Variants in NFASC observed in about 807,000 individuals in gnomAD.
The protein encoded by NFASC is neurofascin.
In NFASC, 43 loss-of-function variants were observed where a neutral mutation model predicts 147.5. The ratio of observed to expected loss-of-function variants is 0.29; its 90% CI spans 0.23 to 0.38. The LOEUF is 0.38. Among genes scored for constraint, NFASC ranks in the 10% least tolerant of loss-of-function variants. NFASC has a pLI of 1.00. For synonymous variants in NFASC, 622 were observed against 665.5 expected (o/e 0.93, Z 1.01); for missense variants, 1,320 against 1,689.0 (o/e 0.78, Z 3.83).
In NFASC at chr1:205,021,118, G is replaced by T. The variant is rs2096397840; in HGVS notation, c.*4579G>T. 1.3e-5 allele frequency: 2 copies of T among 152,322 alleles called. No homozygotes were observed. Among genetic ancestry groups the T allele is most frequent in the South Asian group, 4.1e-4 (2 of 4,826 alleles). The allele number at this position is 152,322 out of a possible 1,614,324, so 9.4% of individuals were successfully genotyped here. On this transcript the variant is annotated 3_prime_UTR_variant, in exon 30 of 30. Coordinates refer to ENST00000339876, the MANE Select transcript of NFASC (RefSeq NM_001005388.3). ...GGGAGGCATAGGCAAGCCGGGCAGA[G>T]TCAGACCAGTGCCCTCCCTTGACCA...
At chr1:204,963,568 T>G (rs949333101) in intron 8 of NFASC, among the ~76,000 whole-genome samples, 1 of 152,184 alleles carries the variant, frequency 6.6e-6, no homozygotes, top group Admixed American at 6.5e-5. Context: ...TGACCATTGA[T>G]CAAACTATTA....
chr1:204,919,824 G>A (rs2149427786), intron 1 of NFASC, among the ~76,000 whole-genome samples: 1 of 152,166 alleles, frequency 6.6e-6, no homozygotes, highest in Non-Finnish European at 1.5e-5. Flanking sequence ...TCACCATGTT[G>A]GCCATGCTGA....
In NFASC at chr1:205,016,320, C is replaced by T; in HGVS notation, c.3504C>T (p.Asn1168=). The part of the protein sequence containing the change: ...DGSFDYSDED[N]KPLQGSQTSL... ...TCTCTTTGGCCAGTGATGAGGACAA[C>T]AAGCCCCTGCAGGGCAGTCAGACAT... Residue 1168 remains asparagine (N), a synonymous_variant, in exon 30 of 30, where the codon AAC becomes AAT. Transcript: ENST00000339876. The surrounding 1 kb of genome is among the most constrained non-coding windows in gnomAD (Gnocchi z 5.1). 2 of 1,612,890 alleles carry T rather than the reference C, an allele frequency of 1.2e-6. No homozygotes were observed. Among genetic ancestry groups the T allele is most frequent in the Non-Finnish European group, 8.5e-7 (1 of 1,178,900 alleles).
chr1:205,013,845 C>A (rs553121652), intron 29 of NFASC, among the ~76,000 whole-genome samples: 1 of 152,168 alleles, frequency 6.6e-6, no homozygotes, highest in Non-Finnish European at 1.5e-5. Context: ...CCACTCTGCC[C>A]ATCAGCCTGG....
intron 1 of NFASC, among the ~76,000 whole-genome samples, chr1:204,877,066 A>C (rs2079131298): frequency 9.1e-6 from 1 of 110,074 alleles, no homozygotes; most frequent in African/African-American, 4.6e-5. Flanking sequence ...TTATTTATAT[A>C]TTTATATATA....
rs147176764 is a variant in NFASC, at chr1:204,884,932, A to T, written c.-199-35700A>T. On this transcript the variant is annotated intron_variant, in intron 1 of 29. Coordinates refer to ENST00000339876, the MANE Select transcript of NFASC (RefSeq NM_001005388.3). Reference sequence around the variant, plus strand: ...GAAAGAGAGGATGTGCCAAACTAAGATTGAGAGATTTAGATTATGGGATAT... The same window carrying T: ...GAAAGAGAGGATGTGCCAAACTAAGTTTGAGAGATTTAGATTATGGGATAT... Among the ~76,000 whole-genome samples, 780 of 152,196 alleles carry T rather than the reference A, an allele frequency of 5.1e-3. 5 individuals are homozygous for T. The highest frequency in any genetic ancestry group is 0.018 in the African/African-American group (739 of 41,500).
intron 24 of NFASC, among the ~76,000 whole-genome samples, chr1:204,992,274 C>A (rs2095753248): frequency 6.6e-6 from 1 of 152,156 alleles, no homozygotes; most frequent in Non-Finnish European, 1.5e-5. Context: ...CCTTACATGC[C>A]AGGCAGTGGA....
intron 1 of NFASC, among the ~76,000 whole-genome samples, chr1:204,856,207 C>T (rs112575906): frequency 6.6e-6 from 1 of 152,148 alleles, no homozygotes; most frequent in East Asian, 1.9e-4. Context: ...GCCAAGAAGA[C>T]CCCTAAGAGT....
At chr1:204,841,943 C>G (rs1353546728) in intron 1 of NFASC, among the ~76,000 whole-genome samples, 3 of 152,192 alleles carry the variant, frequency 2.0e-5, no homozygotes, top group Non-Finnish European at 4.4e-5. Context: ...CCTAGCTAAG[C>G]TCTTCAGTAA....
rs1047444315 is a variant in NFASC at position 204,975,185 on chromosome 1, G to A, written c.1559-86G>A. 40 of 1,475,556 alleles carry A rather than the reference G, an allele frequency of 2.7e-5. No individual in the cohort carries two copies. The African/African-American group carries it at 4.2e-4, about 16-fold the overall frequency. 91.4% of individuals were successfully genotyped at this position (1,475,556 alleles called of 1,614,324 possible). A position where few individuals can be genotyped will look rare whatever the true frequency, so the allele number is the denominator to read the frequency against. On this transcript the variant is annotated intron_variant, in intron 14 of 29. Transcript: ENST00000339876. This position sits in a 1 kb window ranked among gnomAD's most constrained non-coding sequence, Gnocchi z 4.0. ...CACTCCATAGTTGGCCCAAGGCCTCGAGGGCAGACATATGCCACTTTGTGG... is the reference window on the plus strand; with the variant it reads ...CACTCCATAGTTGGCCCAAGGCCTCAAGGGCAGACATATGCCACTTTGTGG...
chr1:205,019,130 CAG>C lies in NFASC; in HGVS notation c.*2597_*2598del, dbSNP rs2096383105. The C allele has an allele frequency of 6.6e-6, 1 of 152,274 alleles. No individual in the cohort carries two copies. The highest frequency in any genetic ancestry group is 2.1e-4 in the South Asian group (1 of 4,826). The allele number at this position is 152,274 out of a possible 1,614,324, so 9.4% of individuals were successfully genotyped here. On this transcript the variant is annotated 3_prime_UTR_variant, in exon 30 of 30. Coordinates refer to ENST00000339876, the MANE Select transcript of NFASC (RefSeq NM_001005388.3). ...TCCCCAAGCAAGGAAGGCAGGTGGT[CAG>C]AGAGATCAAACGCTGAGGCGTGGGG...
Position 204,954,333 on chromosome 1 carries a change from C to T in NFASC, c.361C>T (p.Arg121Cys), listed in dbSNP as rs1001294514. The T allele has an allele frequency of 6.8e-6, 11 of 1,614,144 alleles. No individual in the cohort carries two copies. Among genetic ancestry groups the T allele is most frequent in the Admixed American group, 3.3e-5 (2 of 60,024 alleles). Residue 121 changes from arginine to cysteine, a missense_variant, in exon 6 of 30, where the codon CGC becomes TGC. Physicochemically the swap from Arg to Cys is radical, Grantham distance 180. Coordinates refer to ENST00000339876, the MANE Select transcript of NFASC (RefSeq NM_001005388.3). The surrounding 1 kb of genome is among the most constrained non-coding windows in gnomAD (Gnocchi z 5.7). The part of the protein sequence containing the change: ...EYEGEYQCFA[R>C]NKFGTALSNR... The stretch of plus-strand genomic sequence containing the variant: ...TGAGGGGGAATATCAGTGCTTCGCC[C>T]GCAACAAATTTGGCACGGCCCTGTC...
chr1:204,970,573 C>T lies in NFASC; in HGVS notation c.1004-43C>T, dbSNP rs1253922144. On this transcript the variant is annotated intron_variant, in intron 10 of 29. Coordinates refer to ENST00000339876, the MANE Select transcript of NFASC (RefSeq NM_001005388.3). Reference sequence around the variant, plus strand: ...ACTGCTTGGTTTCTTCTGCCTGTCCCATGCCATCTAACTCCCCTGCCTGTG... The same window carrying T: ...ACTGCTTGGTTTCTTCTGCCTGTCCTATGCCATCTAACTCCCCTGCCTGTG... The T allele has an allele frequency of 1.9e-6, 3 of 1,611,544 alleles. No individual in the cohort carries two copies. In the African/African-American group the frequency reaches 4.0e-5, roughly 22 times the overall value.
intron 23 of NFASC, among the ~76,000 whole-genome samples, chr1:204,990,761 C>T (rs1250476734): frequency 6.6e-6 from 1 of 152,070 alleles, no homozygotes; most frequent in African/African-American, 2.4e-5. Context: ...TGAACATGCT[C>T]CCTCTCTCCT....
chr1:205,009,898 A>G, intron 28 of NFASC: 1 of 594,154 alleles, frequency 1.7e-6, no homozygotes, highest in South Asian at 2.1e-5. Context: ...CGGATGGCAC[A>G]GTCCAGGCGG....
Position 204,831,137 on chromosome 1 carries a change from T to C in NFASC, c.-200+2355T>C, listed in dbSNP as rs2102331665. ...TTGGATTAAGGTCCTGATGTTGAAATGCTTGACTGGAGCTCAGGTGAAGTG... is the reference window on the plus strand; with the variant it reads ...TTGGATTAAGGTCCTGATGTTGAAACGCTTGACTGGAGCTCAGGTGAAGTG... On this transcript the variant is annotated intron_variant, in intron 1 of 29. Coordinates refer to ENST00000339876, the MANE Select transcript of NFASC (RefSeq NM_001005388.3). Among the ~76,000 whole-genome samples, 3 of 152,262 alleles carry C rather than the reference T, an allele frequency of 2.0e-5. No homozygotes were observed. In the East Asian group the frequency reaches 5.8e-4, roughly 29 times the overall value.
At chr1:204,948,579 T>C (rs1181863102) in intron 3 of NFASC, 2 of 516,822 alleles carry the variant, frequency 3.9e-6, no homozygotes, top group Non-Finnish European at 7.7e-6. Flanking sequence ...ATGGATTTGT[T>C]AAAAACAAAA....
chr1:204,858,593 G>T (rs1446463201), intron 1 of NFASC, among the ~76,000 whole-genome samples: 1 of 152,148 alleles, frequency 6.6e-6, no homozygotes, highest in Non-Finnish European at 1.5e-5. Flanking sequence ...GCGTTGTCAT[G>T]GCAACAGGCA....
intron 27 of NFASC, among the ~76,000 whole-genome samples, chr1:205,003,481 G>A (rs1162305772): frequency 1.3e-5 from 2 of 152,204 alleles, no homozygotes; most frequent in East Asian, 3.9e-4. Context: ...TGCTAGTAGG[G>A]GTAGCTGGCA....
Sources: allele counts gnomAD v4.1 joint callset (sites outside exome capture counted in the v4.1 genomes callset), GRCh38; gene constraint gnomAD v4.1.1; non-coding constraint Gnocchi (gnomAD v3.1); transcripts MANE v1.5; gene names NCBI Gene and HGNC (gene_info 2026-07-23, HGNC 2026-07-21).